The following FXR2 variants were observed in gnomAD, a reference collection of about 807,000 sequenced individuals.
FXR2 encodes RNA-binding protein FXR2.
A neutral mutation model predicts 87.3 loss-of-function variants in FXR2; 9 were observed. That is an observed-to-expected ratio of 0.10 (90% CI 0.06 to 0.18). FXR2 has a LOEUF of 0.18. Among genes scored for constraint, FXR2 ranks in the 10% least tolerant of loss-of-function variants. The pLI, the probability that FXR2 is intolerant of heterozygous loss-of-function variation, is 1.00. For missense variants in FXR2, 661 were observed against 893.6 expected (o/e 0.74, Z 3.32); for synonymous variants, 331 against 328.3 (o/e 1.01, Z -0.09).
At chr17:7,603,609 C>A in intron 5 of FXR2, 148 bp downstream of exon 5, 3 of 610,048 alleles carry the variant, frequency 4.9e-6, no homozygotes, top group South Asian at 4.5e-5. Context: ...AATAAAGAAA[C>A]TAAGTGTCTT....
At position 7,603,826 on chromosome 17, in the gene FXR2, G is replaced by A; in HGVS notation, c.380C>T (p.Pro127Leu). ...VTLERLRPVN[P>L]NPLATKGSFF... ...GCTGCCTTTGGTTGCAAGGGGATTG[G>A]GATTAACTGGCCGAAGTCGCTCCAG... Residue 127 changes from proline (P) to leucine (L), a missense_variant, in exon 5 of 17, where the codon CCC becomes CTC. Coordinates refer to ENST00000250113, the MANE Select transcript of FXR2 (RefSeq NM_004860.4). The A allele has an allele frequency of 6.2e-7, 1 of 1,613,950 alleles. No individual in the cohort carries two copies. Among genetic ancestry groups the A allele is most frequent in the Non-Finnish European group, 8.5e-7 (1 of 1,179,852 alleles).
chr17:7,593,725 G>A lies in FXR2; in HGVS notation c.1108-100C>T, dbSNP rs75906969. On this transcript the variant is annotated intron_variant, in intron 11 of 16. Transcript: ENST00000250113. This position sits in a 1 kb window ranked among gnomAD's most constrained non-coding sequence, Gnocchi z 6.1. ...CTGTCCCTCTATATCTAACCTCTCA[G>A]GAATGCAGGGAGAAGGAAGACACTG... The A allele has an allele frequency of 3.0e-5, 27 of 896,274 alleles. No individual in the cohort carries two copies. The East Asian group carries it at 7.1e-4, about 24-fold the overall frequency. 55.5% of individuals were successfully genotyped at this position (896,274 alleles called of 1,614,324 possible).
chr17:7,614,479 C>T lies in FXR2; in HGVS notation c.54G>A (p.Val18=). The T allele has an allele frequency of 3.2e-6, 5 of 1,542,530 alleles. No individual in the cohort carries two copies. Among genetic ancestry groups the T allele is most frequent in the Non-Finnish European group, 4.4e-6 (5 of 1,147,102 alleles). Residue 18 remains valine, a synonymous_variant, in exon 1 of 17, where the codon GTG becomes GTA. Coordinates refer to ENST00000250113, the MANE Select transcript of FXR2 (RefSeq NM_004860.4). ...GDVEPGLPVE[V]RGSNGAFYKG... ...TGTAGAAGGCCCCGTTGGAGCCGCG[C>T]ACCTCGACGGGCAGTCCCGGCTCCA...
Position 7,593,257 on chromosome 17 carries a change from A to C in FXR2, c.1331-76T>G. The C allele has an allele frequency of 7.8e-7, 1 of 1,286,582 alleles. No individual in the cohort carries two copies. The allele number at this position is 1,286,582 out of a possible 1,614,324, so 79.7% of individuals were successfully genotyped here. ...CCATCACATCCCCCAAACTGGAAGAATTCTCCTTCTCACTCACAAGCCTCC... is the reference window on the plus strand; with the variant it reads ...CCATCACATCCCCCAAACTGGAAGACTTCTCCTTCTCACTCACAAGCCTCC... On this transcript the variant is annotated intron_variant, in intron 12 of 16. Transcript: ENST00000250113. The surrounding 1 kb of genome is among the most constrained non-coding windows in gnomAD (Gnocchi z 6.1).
chr17:7,592,902 G>C lies in FXR2; in HGVS notation c.1529-8C>G. ...TGTCTGGATCCTTCAGCACTGGTCA[G>C]AGGAAGAAGAGGAGGAGTTGGCAGT... On this transcript the variant is annotated splice_region_variant and splice_polypyrimidine_tract_variant and intron_variant, in intron 13 of 16. Transcript: ENST00000250113. This position sits in a 1 kb window ranked among gnomAD's most constrained non-coding sequence, Gnocchi z 4.8. 6.4e-7 allele frequency: 1 copy of C among 1,558,798 alleles called. No individual in the cohort carries two copies. The highest frequency in any genetic ancestry group is 8.7e-7 in the Non-Finnish European group (1 of 1,152,218).
Position 7,592,137 on chromosome 17 carries a change from C to A in FXR2, c.1926+117G>T, listed in dbSNP as rs2071667222. ...TATTCAAAGTTTACACTGGTCTAAA[C>A]TCCATCAGACACAGCTGCCTCTGCA... On this transcript the variant is annotated intron_variant, in intron 16 of 16. Transcript: ENST00000250113. The surrounding 1 kb of genome is among the most constrained non-coding windows in gnomAD (Gnocchi z 4.8). The A allele has an allele frequency of 6.5e-7, 1 of 1,529,622 alleles. No individual in the cohort carries two copies. The highest frequency in any genetic ancestry group is 2.3e-5 in the East Asian group (1 of 44,074). 94.8% of individuals were successfully genotyped at this position (1,529,622 alleles called of 1,614,324 possible).
In FXR2 at chr17:7,599,842, C is replaced by T. The variant is rs532999156; in HGVS notation, c.660+1567G>A. Reference sequence around the variant, plus strand: ...GCAGTAAGCCAAGATAGCGCCACTGCGCTCTAGCCTGGGCGACAGAGACGC... The same window carrying T: ...GCAGTAAGCCAAGATAGCGCCACTGTGCTCTAGCCTGGGCGACAGAGACGC... On this transcript the variant is annotated intron_variant, in intron 7 of 16. Transcript: ENST00000250113. Among the ~76,000 whole-genome samples the T allele has an allele frequency of 5.9e-5, 9 of 152,228 alleles. No individual in the cohort carries two copies. In the South Asian group the frequency reaches 1.2e-3, roughly 21 times the overall value.
intron 1 of FXR2, among the ~76,000 whole-genome samples, chr17:7,613,706 C>G (rs1286735346): frequency 6.6e-6 from 1 of 152,146 alleles, no homozygotes; most frequent in Non-Finnish European, 1.5e-5. Flanking sequence ...GACGAAGAAA[C>G]TATATGAATG....
Position 7,614,545 on chromosome 17 carries a change from G to T in FXR2, c.-13C>A. The T allele has an allele frequency of 6.9e-7, 1 of 1,452,618 alleles. No individual in the cohort carries two copies. 90.0% of individuals were successfully genotyped at this position (1,452,618 alleles called of 1,614,324 possible). A position where few individuals can be genotyped will look rare whatever the true frequency, so the allele number is the denominator to read the frequency against. On this transcript the variant is annotated 5_prime_UTR_variant, in exon 1 of 17. Coordinates refer to ENST00000250113, the MANE Select transcript of FXR2 (RefSeq NM_004860.4). ...CCAGGCCGCCCATGGCGCCGCCACC[G>T]CCTCCGACTCCCCCGGCGGCGGCTG... is the stretch of plus-strand genomic sequence containing the variant.
At chr17:7,605,789 C>A in intron 2 of FXR2, 51 bp from the exon 3 acceptor site, 2 of 1,063,556 alleles carry the variant, frequency 1.9e-6, no homozygotes, top group Non-Finnish European at 2.9e-6. Context: ...ATATGGTTGC[C>A]CATTTCTTTA....
intron 6 of FXR2, among the ~76,000 whole-genome samples, chr17:7,602,162 G>A (rs940002267): frequency 2.0e-5 from 3 of 152,122 alleles, no homozygotes; most frequent in African/African-American, 4.8e-5. Flanking sequence ...GGTGGCTCAC[G>A]CCTGTGATCC....
At chr17:7,608,816 TAC>T (rs1194012271) in intron 1 of FXR2, among the ~76,000 whole-genome samples, 2 of 152,198 alleles carry the variant, frequency 1.3e-5, no homozygotes, top group African/African-American at 4.8e-5. Context: ...CTCAGTTACA[TAC>T]ATGTCAAAAC....
At chr17:7,602,822 G>A in intron 6 of FXR2, 87 bp downstream of exon 6, 1 of 699,996 alleles carries the variant, frequency 1.4e-6, no homozygotes, top group South Asian at 1.7e-5. Flanking sequence ...GCACATTTAA[G>A]CCCTTCTCTT....
intron 1 of FXR2, among the ~76,000 whole-genome samples, chr17:7,609,682 C>T (rs2071832876): frequency 6.6e-6 from 1 of 151,852 alleles, no homozygotes. Flanking sequence ...GGTCTCTCTT[C>T]CCTTTTGGGT....
chr17:7,614,695 C>A lies in FXR2; in HGVS notation c.-163G>T. ...CGGCGGCCCTGCCACAGCCAACGAGCAGGGGGCCGGGGCCGGGCCGCTCCC... is the reference window on the plus strand; with the variant it reads ...CGGCGGCCCTGCCACAGCCAACGAGAAGGGGGCCGGGGCCGGGCCGCTCCC... On this transcript the variant is annotated 5_prime_UTR_variant, in exon 1 of 17. Coordinates refer to ENST00000250113, the MANE Select transcript of FXR2 (RefSeq NM_004860.4). The A allele has an allele frequency of 3.0e-6, 1 of 328,632 alleles. No homozygotes were observed. The highest frequency in any genetic ancestry group is 5.4e-6 in the Non-Finnish European group (1 of 184,368). 20.4% of individuals were successfully genotyped at this position (328,632 alleles called of 1,614,324 possible).
In FXR2 at chr17:7,594,144, C is replaced by T. The variant is rs2071689673; in HGVS notation, c.1020+94G>A. Reference sequence around the variant, plus strand: ...TACTAGTGTTAAACAACTTTCCGTACTCCACCCTCTCAAAGAACAATCCCA... The same window carrying T: ...TACTAGTGTTAAACAACTTTCCGTATTCCACCCTCTCAAAGAACAATCCCA... On this transcript the variant is annotated intron_variant, in intron 10 of 16. Transcript: ENST00000250113. The surrounding 1 kb of genome is among the most constrained non-coding windows in gnomAD (Gnocchi z 5.1). The T allele has an allele frequency of 2.2e-6, 2 of 902,564 alleles. No individual in the cohort carries two copies. Among genetic ancestry groups the T allele is most frequent in the Admixed American group, 2.0e-5 (1 of 50,418 alleles). 55.9% of individuals were successfully genotyped at this position (902,564 alleles called of 1,614,324 possible).
At position 7,592,644 on chromosome 17, in the gene FXR2, C is replaced by G. The variant is rs773445311; in HGVS notation, c.1730-45G>C. On this transcript the variant is annotated intron_variant, in intron 14 of 16. Transcript: ENST00000250113. This position sits in a 1 kb window ranked among gnomAD's most constrained non-coding sequence, Gnocchi z 4.8. ...CAGAGTCACACATCCAACCTCCCAC[C>G]CTCGATTCCTACCCATCTCTAACTT... 6.2e-7 allele frequency: 1 copy of G among 1,612,420 alleles called. No individual in the cohort carries two copies. The highest frequency in any genetic ancestry group is 1.7e-5 in the Admixed American group (1 of 60,006).
intron 7 of FXR2, among the ~76,000 whole-genome samples, chr17:7,599,813 G>T (rs1459330156): frequency 6.6e-6 from 1 of 152,042 alleles, no homozygotes; most frequent in Non-Finnish European, 1.5e-5. Context: ...GGGAGGTGGA[G>T]GTTGCAGTAA....
chr17:7,614,419 G>A, intron 1 of FXR2, 33 bp downstream of exon 1: 3 of 1,473,638 alleles, frequency 2.0e-6, no homozygotes, highest in Non-Finnish European at 1.8e-6. Context: ...AGGGGGCTAA[G>A]GACCGGCGTC....
Sources: allele counts gnomAD v4.1 joint callset (sites outside exome capture counted in the v4.1 genomes callset), GRCh38; gene constraint gnomAD v4.1.1; non-coding constraint Gnocchi (gnomAD v3.1); transcripts MANE v1.5; gene names NCBI Gene and HGNC (gene_info 2026-07-23, HGNC 2026-07-21).